The following IRF9 variants were observed in gnomAD, a reference collection of about 807,000 sequenced individuals.
IRF9 encodes the protein interferon regulatory factor 9.
In IRF9, 13 loss-of-function variants were observed where a neutral mutation model predicts 44.1. The ratio of observed to expected loss-of-function variants is 0.29; its 90% CI spans 0.19 to 0.47. The LOEUF is 0.47. IRF9 is among the 20% of genes least tolerant of loss of function. The pLI is 1.00. For missense variants in IRF9, 373 were observed against 496.1 expected (o/e 0.75, Z 2.36); for synonymous variants, 189 against 188.5 (o/e 1.00, Z -0.02).
At chr14:24,165,450 A>G (rs1450287018) in intron 7 of IRF9, 3 of 562,094 alleles carry the variant, frequency 5.3e-6, no homozygotes, top group Non-Finnish European at 6.4e-6. Flanking sequence ...TGACCTTAAG[A>G]GTGGGACCAG....
In IRF9 at chr14:24,162,241, A is replaced by C; in HGVS notation, c.97A>C (p.Thr33Pro). The change falls in exon 2 of 9, where the codon ACA becomes CCA. Residue 33 changes from threonine to proline, a missense_variant. Coordinates refer to ENST00000396864, the MANE Select transcript of IRF9 (RefSeq NM_006084.5). ...GQFPGVCWDD[T>P]AKTMFRIPWK... ...GTTTCCCGGAGTGTGCTGGGATGATACAGCTAAGACCATGTTCCGGATTCC... is the reference window on the plus strand; with the variant it reads ...GTTTCCCGGAGTGTGCTGGGATGATCCAGCTAAGACCATGTTCCGGATTCC... 6.2e-7 allele frequency: 1 copy of C among 1,614,138 alleles called. No individual in the cohort carries two copies. Among genetic ancestry groups the C allele is most frequent in the African/African-American group, 1.3e-5 (1 of 75,014 alleles).
chr14:24,165,133 C>T (rs2038507859), intron 7 of IRF9, 178 bp downstream of exon 7: 1 of 728,978 alleles, frequency 1.4e-6, no homozygotes, highest in African/African-American at 1.7e-5. Context: ...CCCAGCCTGG[C>T]AGCTACCTGG....
Position 24,164,058 on chromosome 14 carries a change from T to G in IRF9, c.578-5T>G, listed in dbSNP as rs2038493530. The stretch of plus-strand genomic sequence containing the variant: ...GAATGACCAGTGCCTTTGCTTCCCT[T>G]CCAGTTACAGACACAACTGAGGCCC... On this transcript the variant is annotated splice_region_variant and splice_polypyrimidine_tract_variant and intron_variant, in intron 5 of 8. Transcript: ENST00000396864. The surrounding 1 kb of genome is among the most constrained non-coding windows in gnomAD (Gnocchi z 5.2). The G allele has an allele frequency of 2.5e-6, 4 of 1,613,848 alleles. No individual in the cohort carries two copies. Among genetic ancestry groups the G allele is most frequent in the Non-Finnish European group, 1.7e-6 (2 of 1,179,946 alleles).
In IRF9 at chr14:24,164,606, A is replaced by G. The variant is rs2038499779; in HGVS notation, c.650-8A>G. 3 of 1,579,570 alleles carry G rather than the reference A, an allele frequency of 1.9e-6. No homozygotes were observed. The highest frequency in any genetic ancestry group is 2.3e-5 in the East Asian group (1 of 44,374). On this transcript the variant is annotated splice_polypyrimidine_tract_variant and splice_region_variant and intron_variant, in intron 6 of 8. Transcript: ENST00000396864. This position sits in a 1 kb window ranked among gnomAD's most constrained non-coding sequence, Gnocchi z 5.2. ...CTCCAGCACCAGGTAGGGCTGTTCTATCCCCAGACTACTCACTGCTGCTCA... is the reference window on the plus strand; with the variant it reads ...CTCCAGCACCAGGTAGGGCTGTTCTGTCCCCAGACTACTCACTGCTGCTCA...
rs145127396 is a variant in IRF9, at chr14:24,164,944, A to G, written c.980A>G (p.Tyr327Cys). The G allele has an allele frequency of 1.2e-5, 19 of 1,611,156 alleles. No homozygotes were observed. The highest frequency in any genetic ancestry group is 3.3e-5 in the South Asian group (3 of 91,032). The change falls in exon 7 of 9, where the codon TAC becomes TGC. Residue 327 changes from tyrosine (Y) to cysteine (C), a missense_variant. Tyr to Cys is a radical substitution (Grantham distance 194). Coordinates refer to ENST00000396864, the MANE Select transcript of IRF9 (RefSeq NM_006084.5). The surrounding 1 kb of genome is among the most constrained non-coding windows in gnomAD (Gnocchi z 5.2). ...TGCGTGGAGCTCTTCAGAACCGCCT[A>G]CTTCTGCAGAGGTGAGGCTGTTCTC... ...NECVELFRTA[Y>C]FCRDLVRYFQ...
rs2038476884 is a variant in IRF9 at position 24,162,824 on chromosome 14, G to C, written c.181-142G>C. On this transcript the variant is annotated intron_variant, in intron 2 of 8. Transcript: ENST00000396864. Reference sequence around the variant, plus strand: ...AAAAAAAAAAAAAAAAATTTCCAAGGATTTCAAGATGGCAACGCAGAGCAC... The same window carrying C: ...AAAAAAAAAAAAAAAAATTTCCAAGCATTTCAAGATGGCAACGCAGAGCAC... 6.2e-6 allele frequency: 4 copies of C among 640,004 alleles called. No homozygotes were observed. In the East Asian group the frequency reaches 1.2e-4, roughly 19 times the overall value. 39.6% of individuals were successfully genotyped at this position (640,004 alleles called of 1,614,324 possible). A position where few individuals can be genotyped will look rare whatever the true frequency, so the allele number is the denominator to read the frequency against.
At chr14:24,161,594 A>T (rs2139100448) in intron 1 of IRF9, among the ~76,000 whole-genome samples, 1 of 152,244 alleles carries the variant, frequency 6.6e-6, no homozygotes, top group South Asian at 2.1e-4. Context: ...GCCTCAGTGG[A>T]CCATTTGTTT....
chr14:24,163,577 T>C, intron 4 of IRF9, 69 bp downstream of exon 4: 1 of 1,544,764 alleles, frequency 6.5e-7, no homozygotes, highest in South Asian at 1.2e-5. Context: ...GGTGGGCCAA[T>C]GAAAGACACT....
Position 24,163,873 on chromosome 14 carries a change from C to T in IRF9, c.496-5C>T, listed in dbSNP as rs199509771. 71 of 1,588,782 alleles carry T rather than the reference C, an allele frequency of 4.5e-5. No individual in the cohort carries two copies. The highest frequency in any genetic ancestry group is 1.8e-4 in the East Asian group (8 of 44,754). Reference sequence around the variant, plus strand: ...AAAAAAAATAAAAAGACACTGTGTCCGCAGGAGGAGGAGGGGGCCAGTGGG... The same window carrying T: ...AAAAAAAATAAAAAGACACTGTGTCTGCAGGAGGAGGAGGGGGCCAGTGGG... On this transcript the variant is annotated splice_region_variant and splice_polypyrimidine_tract_variant and intron_variant, in intron 4 of 8. Transcript: ENST00000396864.
chr14:24,164,867 T>A lies in IRF9; in HGVS notation c.903T>A (p.Asn301Lys). Residue 301 changes from asparagine to lysine, a missense_variant, in exon 7 of 9, where the codon AAT (asparagine) becomes AAA (lysine). By Grantham distance (94) the Asn-to-Lys change is moderately conservative. Transcript: ENST00000396864. This position sits in a 1 kb window ranked among gnomAD's most constrained non-coding sequence, Gnocchi z 5.2. ...TTTGCCCCATCCCCATCTCCTGGAA[T>A]GCACCCCAGGCTCCACCTGGGCCAG... Reference protein sequence around the residue: ...QRLCPIPISWNAPQAPPGPGP... With the variant: ...QRLCPIPISWKAPQAPPGPGP... 2.5e-6 allele frequency: 4 copies of A among 1,611,776 alleles called. No homozygotes were observed.
intron 2 of IRF9, 66 bp from the exon 3 acceptor site, chr14:24,162,900 G>A (rs1015845065): frequency 2.2e-6 from 3 of 1,354,336 alleles, no homozygotes; most frequent in Non-Finnish European, 3.1e-6. Context: ...TGTAAAGCCA[G>A]TCCTATTGGA....
intron 2 of IRF9, 83 bp from the exon 3 acceptor site, chr14:24,162,883 G>T: frequency 9.2e-7 from 1 of 1,084,690 alleles, no homozygotes; most frequent in East Asian, 2.4e-5. Context: ...GCTCAGAGCT[G>T]CACGCCTGTA....
chr14:24,163,425 G>T lies in IRF9; in HGVS notation c.412G>T (p.Val138Leu), dbSNP rs571189247. 84 of 1,614,118 alleles carry T rather than the reference G, an allele frequency of 5.2e-5. 1 individual carries two copies. In the Middle Eastern group the frequency reaches 1.2e-3, roughly 22 times the overall value. Residue 138 changes from valine to leucine, a missense_variant, in exon 4 of 9, where the codon GTG (valine) becomes TTG (leucine). By Grantham distance (32) the Val-to-Leu change is conservative. This residue lies in a region of IRF9 where 227 missense variants were observed against 255.3 expected (regional missense o/e 0.89). Coordinates refer to ENST00000396864, the MANE Select transcript of IRF9 (RefSeq NM_006084.5). ...KVPSKRQHSS[V>L]SSERKEEEDA... Reference sequence around the variant, plus strand: ...ACCATCAAAGCGACAGCACAGTTCTGTGTCCTCTGAGAGGAAGGAGGAAGA... The same window carrying T: ...ACCATCAAAGCGACAGCACAGTTCTTTGTCCTCTGAGAGGAAGGAGGAAGA...
chr14:24,163,468 G>T lies in IRF9; in HGVS notation c.455G>T (p.Cys152Phe), dbSNP rs1461081228. The part of the protein sequence containing the change: ...RKEEEDAMQN[C>F]TLSPSVLQDS... ...GAGGAAGAGGATGCCATGCAGAACTGCACACTCAGTCCCTCTGTGCTCCAG... is the reference window on the plus strand; with the variant it reads ...GAGGAAGAGGATGCCATGCAGAACTTCACACTCAGTCCCTCTGTGCTCCAG... Residue 152 changes from cysteine (C) to phenylalanine (F), a missense_variant, in exon 4 of 9, where the codon TGC becomes TTC. Cys to Phe is a radical substitution (Grantham distance 205). Around this residue, in one of 2 missense-constraint regions of IRF9, gnomAD observed 227 missense variants for 255.3 expected, o/e 0.89. Coordinates refer to ENST00000396864, the MANE Select transcript of IRF9 (RefSeq NM_006084.5). The T allele has an allele frequency of 6.2e-7, 1 of 1,614,192 alleles. No individual in the cohort carries two copies. Among genetic ancestry groups the T allele is most frequent in the African/African-American group, 1.3e-5 (1 of 75,062 alleles).
At chr14:24,162,939 C>A in intron 2 of IRF9, 27 bp from the exon 3 acceptor site, 1 of 1,603,162 alleles carries the variant, frequency 6.2e-7, no homozygotes, top group Non-Finnish European at 8.5e-7. Flanking sequence ...AACACACTGC[C>A]TCTTCTTCCC....
At chr14:24,162,055 C>G (rs2038463432) in intron 1 of IRF9, 89 bp from the exon 2 acceptor site, 1 of 1,275,730 alleles carries the variant, frequency 7.8e-7, no homozygotes, top group Non-Finnish European at 1.1e-6. Context: ...GGACCTGTTG[C>G]CAGAATCTAG....
rs117133499 is a variant in IRF9 at position 24,161,777 on chromosome 14, C to T, written c.-1-367C>T. ...AGCAGAACCTACCTCTGCTGATGCT[C>T]GGGAATCTAGACAGGGCCTGTCACC... On this transcript the variant is annotated intron_variant, in intron 1 of 8. Transcript: ENST00000396864. Among the ~76,000 whole-genome samples the T allele has an allele frequency of 5.2e-3, 796 of 152,198 alleles. 7 individuals are homozygous for T. Among genetic ancestry groups the T allele is most frequent in the Non-Finnish European group, 7.3e-3 (498 of 68,016 alleles).
intron 7 of IRF9, chr14:24,165,362 G>A (rs148523445): frequency 1.9e-4 from 116 of 622,918 alleles, no homozygotes; most frequent in African/African-American, 1.3e-3. Context: ...TGGCTGCACC[G>A]TCTTTACCAC....
In IRF9 at chr14:24,166,529, A is replaced by G. The variant is rs1042576; in HGVS notation, c.*333A>G. 4 of 417,040 alleles carry G rather than the reference A, an allele frequency of 9.6e-6. No homozygotes were observed. The Admixed American group carries it at 1.6e-4, about 17-fold the overall frequency. The allele number at this position is 417,040 out of a possible 1,614,324, so 25.8% of individuals were successfully genotyped here. On this transcript the variant is annotated 3_prime_UTR_variant, in exon 9 of 9. Transcript: ENST00000396864. ...CTTTATATTTTCCTCTTAGATATTC[A>G]CTAAGGACTTAAAATAAAATTTTAT... is the stretch of plus-strand genomic sequence containing the variant.
Sources: gnomAD v4.1 joint callset for allele counts (sites outside exome capture counted in the v4.1 genomes callset) on GRCh38, gnomAD v4.1.1 for gene constraint, gnomAD v4.1.1 regional missense constraint, Gnocchi (gnomAD v3.1) non-coding constraint, MANE v1.5 for transcripts, NCBI Gene and HGNC (gene_info 2026-07-23, HGNC 2026-07-21) for gene names.